The following OR10J1 variants were observed in gnomAD, a reference collection of about 807,000 sequenced individuals.
OR10J1 encodes the protein olfactory receptor 10J1.
For missense variants in OR10J1, 474 were observed against 376.6 expected (o/e 1.26, Z -2.14); for synonymous variants, 202 against 143.8 (o/e 1.40, Z -2.89).
chr1:159,411,937 C>G, the OR10J1 span, among the ~76,000 whole-genome samples: 1 of 151,942 alleles, frequency 6.6e-6, no homozygotes, highest in Non-Finnish European at 1.5e-5. Context: ...TCTAGAAAAC[C>G]CCATTCTCTC....
chr1:159,413,197 T>C, the OR10J1 span, among the ~76,000 whole-genome samples: 1 of 152,148 alleles, frequency 6.6e-6, no homozygotes, highest in Non-Finnish European at 1.5e-5. Context: ...CAACAGGTGC[T>C]GGAGAGGATA....
At chr1:159,401,383 C>A in the OR10J1 span, among the ~76,000 whole-genome samples, 3 of 151,620 alleles carry the variant, frequency 2.0e-5, no homozygotes, top group African/African-American at 4.8e-5. Context: ...AATAGAGAAG[C>A]TCTAAATAAA....
the OR10J1 span, among the ~76,000 whole-genome samples, chr1:159,414,115 C>A: frequency 6.6e-6 from 1 of 152,066 alleles, no homozygotes; most frequent in Non-Finnish European, 1.5e-5. Context: ...GTCCTCTCTT[C>A]TAGCTACTTT....
At chr1:159,417,706 T>C in the OR10J1 span, among the ~76,000 whole-genome samples, 2 of 152,178 alleles carry the variant, frequency 1.3e-5, no homozygotes, top group Admixed American at 6.5e-5. Flanking sequence ...TGCTGCTGTA[T>C]AGATACCTAA....
At chr1:159,409,909 G>C in the OR10J1 span, among the ~76,000 whole-genome samples, 140 of 152,006 alleles carry the variant, frequency 9.2e-4, no homozygotes, top group African/African-American at 3.2e-3. Context: ...TAGCATGAAG[G>C]GTTGTTGAAT....
At chr1:159,428,183 A>T in the OR10J1 span, among the ~76,000 whole-genome samples, 1 of 152,198 alleles carries the variant, frequency 6.6e-6, no homozygotes, top group Non-Finnish European at 1.5e-5. Context: ...ACCAAATGCA[A>T]TGTGAAGAGA....
chr1:159,410,872 G>A, the OR10J1 span, among the ~76,000 whole-genome samples: 2 of 150,616 alleles, frequency 1.3e-5, no homozygotes, highest in Non-Finnish European at 3.0e-5. Context: ...TGCTTTGAAT[G>A]TGTCCCAGAG....
At chr1:159,429,315 T>C in the OR10J1 span, among the ~76,000 whole-genome samples, 3 of 152,342 alleles carry the variant, frequency 2.0e-5, no homozygotes, top group East Asian at 3.9e-4. Context: ...AATCAGTAAA[T>C]GAATGAGTCA....
At chr1:159,430,668 T>TGTGTGTGTGTGTGCGCGC in the OR10J1 span, among the ~76,000 whole-genome samples, 2 of 69,614 alleles carry the variant, frequency 2.9e-5, no homozygotes, top group African/African-American at 6.1e-5. Context: ...TGTGTGTGTG[T>TGTGTGTGTGTGTGCGCGC]GCGCGCGCGC....
chr1:159,428,426 T>C, the OR10J1 span, among the ~76,000 whole-genome samples: 9 of 152,202 alleles, frequency 5.9e-5, no homozygotes, highest in Admixed American at 5.2e-4. Context: ...GGGTTTCCTT[T>C]TCTTTCTCAT....
chr1:159,433,259 A>C (rs1172333216), upstream of OR10J1: 1 of 397,016 alleles, frequency 2.5e-6, no homozygotes, highest in Non-Finnish European at 4.4e-6. Flanking sequence ...AGCATCTAGG[A>C]ATCTATTCCC....
chr1:159,434,868 A>T (rs1655690887), upstream of OR10J1, among the ~76,000 whole-genome samples: 1 of 152,114 alleles, frequency 6.6e-6, no homozygotes, highest in Admixed American at 6.6e-5. Context: ...GGTCACTCTG[A>T]GGTCAACATC....
At chr1:159,437,095 G>A (rs975192020), upstream of OR10J1, among the ~76,000 whole-genome samples, 1 of 152,200 alleles carries the variant, frequency 6.6e-6, no homozygotes, top group Non-Finnish European at 1.5e-5. Flanking sequence ...AACAACTCAT[G>A]GAAAGTATTC....
At chr1:159,428,016 C>T in the OR10J1 span, among the ~76,000 whole-genome samples, 1 of 151,986 alleles carries the variant, frequency 6.6e-6, no homozygotes, top group African/African-American at 2.4e-5. Context: ...GATAAACTTG[C>T]AAACAAACCA....
chr1:159,419,078 T>C, the OR10J1 span, among the ~76,000 whole-genome samples: 1 of 152,182 alleles, frequency 6.6e-6, no homozygotes, highest in Admixed American at 6.5e-5. Flanking sequence ...CTTTTGATTA[T>C]ACAGGCTCAC....
the OR10J1 span, among the ~76,000 whole-genome samples, chr1:159,431,292 A>T: frequency 1.3e-5 from 2 of 152,160 alleles, no homozygotes; most frequent in African/African-American, 4.8e-5. Context: ...GAACCTTGAG[A>T]GAAGGCAGTG....
chr1:159,437,428 G>C (rs1655767843), upstream of OR10J1, among the ~76,000 whole-genome samples: 5 of 151,624 alleles, frequency 3.3e-5, no homozygotes, highest in South Asian at 1.0e-3. Context: ...AGGTGGTATG[G>C]CTCTAAGCTT....
the OR10J1 span, among the ~76,000 whole-genome samples, chr1:159,401,637 C>T: frequency 1.4e-4 from 21 of 151,952 alleles, no homozygotes; most frequent in Non-Finnish European, 2.9e-4. Context: ...AACCCAGGAC[C>T]TGATGGCTTC....
At chr1:159,423,605 T>C in the OR10J1 span, among the ~76,000 whole-genome samples, 1 of 152,204 alleles carries the variant, frequency 6.6e-6, no homozygotes, top group African/African-American at 2.4e-5. Flanking sequence ...GGTTTGAAAG[T>C]TGGAGAAGAA....
Sources: allele counts gnomAD v4.1 joint callset (sites outside exome capture counted in the v4.1 genomes callset), GRCh38; gene constraint gnomAD v4.1.1; transcripts MANE v1.5; gene names NCBI Gene and HGNC (gene_info 2026-07-23, HGNC 2026-07-21).